The following UNC13B variants were observed in gnomAD, a reference collection of about 807,000 sequenced individuals.
UNC13B encodes unc-13 homolog B.
UNC13B carries 144 observed loss-of-function variants against 211.0 expected under a neutral mutation model. The observed-to-expected ratio is 0.68, with a 90% confidence interval of 0.60 to 0.78. UNC13B has a LOEUF of 0.78. Among genes scored for constraint, UNC13B ranks in the 30% least tolerant of loss-of-function variants. UNC13B has a pLI of 0.00. For synonymous variants in UNC13B, 709 were observed against 725.8 expected, an observed-to-expected ratio of 0.98 and a Z score of 0.37; for missense variants, 1,777 against 2,002.0, an observed-to-expected ratio of 0.89 and a Z score of 2.14.
chr9:35,370,578 C>T (rs370873120), intron 13 of UNC13B, among the ~76,000 whole-genome samples, 182 bp downstream of exon 13: 21 of 152,246 alleles, frequency 1.4e-4, no homozygotes, highest in African/African-American at 4.6e-4. Flanking sequence ...ACCTCACTCC[C>T]TAGTCAGAGT....
chr9:35,297,650 C>A (rs574810877), intron 8 of UNC13B, among the ~76,000 whole-genome samples: 17 of 149,126 alleles, frequency 1.1e-4, no homozygotes, highest in Non-Finnish European at 2.5e-4. Flanking sequence ...CCCGGGTTCA[C>A]GCCATTCTCC....
chr9:35,401,061 T>G (rs1459800980), intron 37 of UNC13B, among the ~76,000 whole-genome samples: 1 of 152,128 alleles, frequency 6.6e-6, no homozygotes, highest in Non-Finnish European at 1.5e-5. Context: ...GCATGGCCTG[T>G]CCAAAACAAA....
chr9:35,202,663 G>A (rs979792196), intron 1 of UNC13B, among the ~76,000 whole-genome samples: 1 of 152,046 alleles, frequency 6.6e-6, no homozygotes, highest in African/African-American at 2.4e-5. Flanking sequence ...CAGAGACTAG[G>A]ATTGCAACCT....
At chr9:35,289,208 TA>T (rs1482371700) in intron 7 of UNC13B, among the ~76,000 whole-genome samples, 1 of 152,294 alleles carries the variant, frequency 6.6e-6, no homozygotes, top group East Asian at 1.9e-4. Flanking sequence ...AGTAGTCCCG[TA>T]TGCCCAGGAT....
In UNC13B at chr9:35,404,205, G is replaced by A. The variant is rs116289735; in HGVS notation, c.*172G>A. ...GATAATATGGCTTTTCACAGAAAGG[G>A]TCATGAAGCCCTGGCCCAACAGGAC... On this transcript the variant is annotated 3_prime_UTR_variant, in exon 40 of 40. Coordinates refer to ENST00000635942, the MANE Select transcript of UNC13B (RefSeq NM_001371189.2). 1,130 of 855,264 alleles carry A rather than the reference G, an allele frequency of 1.3e-3. 17 individuals carry two copies. In the African/African-American group the frequency reaches 0.015, roughly 11 times the overall value. 53.0% of individuals were successfully genotyped at this position (855,264 alleles called of 1,614,324 possible). A position where few individuals can be genotyped will look rare whatever the true frequency, so the allele number is the denominator to read the frequency against.
At chr9:35,243,423 T>C in intron 6 of UNC13B, 59 bp downstream of exon 6, 1 of 1,586,274 alleles carries the variant, frequency 6.3e-7, no homozygotes, top group Non-Finnish European at 8.6e-7. Flanking sequence ...ATGCTCTTTA[T>C]AGGTTGCCCA....
In UNC13B at chr9:35,364,682, C is replaced by A. The variant is rs1487569579; in HGVS notation, c.9415-2265C>A. The A allele has an allele frequency of 9.1e-6, 11 of 1,206,220 alleles. No homozygotes were observed. In the African/African-American group the frequency reaches 1.2e-4, roughly 13 times the overall value. The allele number at this position is 1,206,220 out of a possible 1,614,324, so 74.7% of individuals were successfully genotyped here. On this transcript the variant is annotated intron_variant, in intron 11 of 39. Transcript: ENST00000635942. ...GTGTGTGTACATGCACATGTGCGTG[C>A]ATGATCTGTGCCTCTGAGCTTTGGC...
At chr9:35,355,397 T>C (rs1354895431) in intron 11 of UNC13B, among the ~76,000 whole-genome samples, 1 of 152,222 alleles carries the variant, frequency 6.6e-6, no homozygotes, top group African/African-American at 2.4e-5. Flanking sequence ...TAAAGTTACA[T>C]TTAAAAAATG....
intron 3 of UNC13B, among the ~76,000 whole-genome samples, chr9:35,231,695 C>T (rs1212038272): frequency 2.0e-5 from 3 of 151,670 alleles, no homozygotes; most frequent in Non-Finnish European, 4.4e-5. Context: ...TGCTTATAAT[C>T]CTTTTGCTTT....
chr9:35,325,736 C>G (rs2131934450), intron 11 of UNC13B, among the ~76,000 whole-genome samples: 1 of 152,302 alleles, frequency 6.6e-6, no homozygotes, highest in South Asian at 2.1e-4. Flanking sequence ...GGATTACTCC[C>G]TATTCCCTTT....
intron 7 of UNC13B, among the ~76,000 whole-genome samples, chr9:35,264,056 T>A (rs1005948179): frequency 6.6e-6 from 1 of 152,118 alleles, no homozygotes; most frequent in Non-Finnish European, 1.5e-5. Flanking sequence ...TACCAAAAAA[T>A]TTGCAAGTAG....
intron 24 of UNC13B, 109 bp from the exon 25 acceptor site, chr9:35,389,737 C>A: frequency 8.2e-7 from 1 of 1,220,698 alleles, no homozygotes; most frequent in Non-Finnish European, 1.2e-6. Context: ...GTCCTTGATT[C>A]TAGAGGAAGA....
Position 35,390,725 on chromosome 9 carries a change from G to A in UNC13B, c.11308+11G>A, listed in dbSNP as rs1835479412. On this transcript the variant is annotated intron_variant, in intron 26 of 39. Transcript: ENST00000635942. ...AATATGCATTGGAGGGTAAGGATCTGTTCAAATCAGTGGGCTGCCAGGCTC... is the reference window on the plus strand; with the variant it reads ...AATATGCATTGGAGGGTAAGGATCTATTCAAATCAGTGGGCTGCCAGGCTC... 1.2e-6 allele frequency: 2 copies of A among 1,609,172 alleles called. No homozygotes were observed. The highest frequency in any genetic ancestry group is 1.3e-5 in the African/African-American group (1 of 74,580).
In UNC13B at chr9:35,303,122, G is replaced by A. The variant is rs1587577605; in HGVS notation, c.3718G>A (p.Val1240Ile). 1 of 398,696 alleles carries A rather than the reference G, an allele frequency of 2.5e-6. No individual in the cohort carries two copies. The highest frequency in any genetic ancestry group is 4.4e-5 in the Admixed American group (1 of 22,714). The allele number at this position is 398,696 out of a possible 1,614,324, so 24.7% of individuals were successfully genotyped here. ...GACTTCTGAGAACCCGAAGAACCAT[G>A]TTGAAAAACATGAAACTTCTAGCTT... The part of the protein sequence containing the change: ...CVTSENPKNH[V>I]EKHETSSFIE... The change falls in exon 9 of 40, where the codon GTT (valine) becomes ATT (isoleucine). Residue 1240 changes from valine to isoleucine, a missense_variant. Physicochemically the swap from Val to Ile is conservative, Grantham distance 29. Coordinates refer to ENST00000635942, the MANE Select transcript of UNC13B (RefSeq NM_001371189.2).
chr9:35,266,304 C>G (rs1173418718), intron 7 of UNC13B, among the ~76,000 whole-genome samples: 1 of 152,154 alleles, frequency 6.6e-6, no homozygotes, highest in Non-Finnish European at 1.5e-5. Context: ...CCTCCACTAC[C>G]CAGTGTGTTA....
chr9:35,350,198 C>T (rs1279087549), intron 11 of UNC13B, among the ~76,000 whole-genome samples: 2 of 152,208 alleles, frequency 1.3e-5, no homozygotes, highest in African/African-American at 4.8e-5. Flanking sequence ...TGTATTCTCA[C>T]TCCACATGAG....
In UNC13B at chr9:35,398,684, G is replaced by C. The variant is rs370420704; in HGVS notation, c.11921+42G>C. On this transcript the variant is annotated intron_variant, in intron 32 of 39. Transcript: ENST00000635942. Reference sequence around the variant, plus strand: ...TACAAGGCCCTCAGAGCCAGATGTGGTCCCTAGCCAATCCCAGAGCCCTTG... The same window carrying C: ...TACAAGGCCCTCAGAGCCAGATGTGCTCCCTAGCCAATCCCAGAGCCCTTG... 5.9e-5 allele frequency: 95 copies of C among 1,607,202 alleles called. No homozygotes were observed. In the African/African-American group the frequency reaches 1.1e-3, roughly 19 times the overall value.
rs764617510 is a variant in UNC13B at position 35,236,517 on chromosome 9, A to G, written c.201A>G (p.Lys67=). 2.1e-5 allele frequency: 34 copies of G among 1,614,122 alleles called. No individual in the cohort carries two copies. Among genetic ancestry groups the G allele is most frequent in the Middle Eastern group, 1.6e-4 (1 of 6,062 alleles). ...GTCTAAGTGTGGAGGTATGGAACAAAGGACTGATCTGGGACACCATGGTGG... is the reference window on the plus strand; with the variant it reads ...GTCTAAGTGTGGAGGTATGGAACAAGGGACTGATCTGGGACACCATGGTGG... The part of the protein sequence containing the change: ...DLGLSVEVWN[K]GLIWDTMVGT... The change falls in exon 4 of 40, where the codon AAA becomes AAG. Residue 67 remains lysine (K), a synonymous_variant. Coordinates refer to ENST00000635942, the MANE Select transcript of UNC13B (RefSeq NM_001371189.2).
chr9:35,347,254 A>C (rs1014001542), intron 11 of UNC13B, among the ~76,000 whole-genome samples: 2 of 152,142 alleles, frequency 1.3e-5, no homozygotes, highest in Non-Finnish European at 2.9e-5. Flanking sequence ...GTGATCATCT[A>C]TATATATCTT....
Sources: allele counts gnomAD v4.1 joint callset (sites outside exome capture counted in the v4.1 genomes callset), GRCh38; gene constraint gnomAD v4.1.1; transcripts MANE v1.5; gene names NCBI Gene and HGNC (gene_info 2026-07-23, HGNC 2026-07-21).